Variants in ERICH6B observed in about 807,000 individuals in gnomAD.
ERICH6B encodes glutamate rich 6B.
In ERICH6B, 69 loss-of-function variants were observed where a neutral mutation model predicts 80.0. The ratio of observed to expected loss-of-function variants is 0.86; its 90% CI spans 0.71 to 1.05. ERICH6B has a LOEUF of 1.05. Ranked by LOEUF, ERICH6B falls within the 50% of genes least tolerant of loss-of-function variation. The pLI is 0.00. For synonymous variants in ERICH6B, 283 were observed against 291.9 expected, an observed-to-expected ratio of 0.97 and a Z score of 0.31; for missense variants, 754 against 796.1, an observed-to-expected ratio of 0.95 and a Z score of 0.64.
At chr13:45,546,605 C>G (rs533358009) in intron 13 of ERICH6B, among the ~76,000 whole-genome samples, 15 of 152,298 alleles carry the variant, frequency 9.8e-5, no homozygotes, top group African/African-American at 3.6e-4. Context: ...GGCCCCAGGT[C>G]TGGGAGGTTT....
chr13:45,549,781 C>T (rs1301138515), intron 13 of ERICH6B, 112 bp downstream of exon 13: 3 of 1,233,182 alleles, frequency 2.4e-6, no homozygotes, highest in South Asian at 3.2e-5. Context: ...TCTCCCATTT[C>T]CAACATGTGT....
At chr13:45,586,102 A>G (rs940081064) in intron 5 of ERICH6B, among the ~76,000 whole-genome samples, 1 of 152,042 alleles carries the variant, frequency 6.6e-6, no homozygotes, top group African/African-American at 2.4e-5. Flanking sequence ...AGATGGCTCC[A>G]GTTCTTGGGG....
In ERICH6B at chr13:45,592,230, C is replaced by T. The variant is rs370220733; in HGVS notation, c.638-1533G>A. ...CCATCAGACTATGTTCCCTAACTTTCGCTGGGACAAGACACGTGCAGAAAA... is the reference window on the plus strand; with the variant it reads ...CCATCAGACTATGTTCCCTAACTTTTGCTGGGACAAGACACGTGCAGAAAA... On this transcript the variant is annotated intron_variant, in intron 3 of 14. Coordinates refer to ENST00000298738, the MANE Select transcript of ERICH6B (RefSeq NM_182542.3). 6.6e-5 allele frequency among the ~76,000 whole-genome samples: 10 copies of T among 152,314 alleles called. No individual in the cohort carries two copies. In the South Asian group the frequency reaches 8.3e-4, roughly 13 times the overall value.
chr13:45,547,946 C>G (rs888081750), intron 13 of ERICH6B, among the ~76,000 whole-genome samples: 4 of 152,180 alleles, frequency 2.6e-5, no homozygotes, highest in Non-Finnish European at 4.4e-5. Flanking sequence ...AAGATGGGAT[C>G]TGGAACATCT....
intron 5 of ERICH6B, among the ~76,000 whole-genome samples, chr13:45,586,488 G>A (rs1222354841): frequency 6.6e-6 from 1 of 152,150 alleles, no homozygotes; most frequent in East Asian, 1.9e-4. Flanking sequence ...ATTGGGTAGA[G>A]AATGAAGACC....
chr13:45,582,914 G>T (rs1037520753), intron 5 of ERICH6B, among the ~76,000 whole-genome samples: 3 of 152,168 alleles, frequency 2.0e-5, no homozygotes, highest in Non-Finnish European at 4.4e-5. Flanking sequence ...TTGATCTTAG[G>T]CTGGTTTCTT....
At chr13:45,602,098 C>T (rs1949830869) in intron 2 of ERICH6B, among the ~76,000 whole-genome samples, 1 of 152,190 alleles carries the variant, frequency 6.6e-6, no homozygotes, top group Non-Finnish European at 1.5e-5. Context: ...TACCCTGCTC[C>T]AAGGACTGTC....
rs539384793 is a variant in ERICH6B at position 45,542,020 on chromosome 13, C to T, written c.1873-340G>A. ...TGCCGGGCTTCTCCCCATGGGGTCC[C>T]GACCATGGGGCCCTGCAAGAGCTGG... On this transcript the variant is annotated intron_variant, in intron 14 of 14. Coordinates refer to ENST00000298738, the MANE Select transcript of ERICH6B (RefSeq NM_182542.3). Among the ~76,000 whole-genome samples the T allele has an allele frequency of 1.1e-4, 17 of 152,294 alleles. 1 individual carries two copies. The highest frequency in any genetic ancestry group is 1.5e-4 in the Non-Finnish European group (10 of 68,016).
chr13:45,570,774 T>C (rs1015856641), intron 8 of ERICH6B, among the ~76,000 whole-genome samples: 2 of 151,986 alleles, frequency 1.3e-5, no homozygotes, highest in Non-Finnish European at 1.5e-5. Flanking sequence ...AGCTGCAGGT[T>C]CCATATGGCA....
intron 8 of ERICH6B, among the ~76,000 whole-genome samples, chr13:45,568,709 C>T (rs1365489836): frequency 6.6e-6 from 1 of 152,148 alleles, no homozygotes; most frequent in Admixed American, 6.5e-5. Flanking sequence ...CAAACTTGCA[C>T]ATCCTGTACC....
intron 8 of ERICH6B, among the ~76,000 whole-genome samples, chr13:45,573,103 A>G (rs1413870286): frequency 6.6e-6 from 1 of 152,056 alleles, no homozygotes; most frequent in Admixed American, 6.5e-5. Context: ...TATTCTTTAC[A>G]TACACTTGCA....
At chr13:45,606,532 TATATATATATATATA>T (rs1283403330) in intron 2 of ERICH6B, among the ~76,000 whole-genome samples, 12 of 25,002 alleles carry the variant, frequency 4.8e-4, no homozygotes, top group Non-Finnish European at 7.7e-4. Flanking sequence ...TATATATATA[TATATATATATATATA>T]TTTTTTTTTT....
chr13:45,546,993 T>C (rs916427410), intron 13 of ERICH6B, among the ~76,000 whole-genome samples: 2 of 152,198 alleles, frequency 1.3e-5, no homozygotes. Flanking sequence ...AGAGGCTATA[T>C]ACATACTGAA....
At chr13:45,541,745 G>T in intron 14 of ERICH6B, 65 bp from the exon 15 acceptor site, 2 of 1,450,756 alleles carry the variant, frequency 1.4e-6, no homozygotes, top group Non-Finnish European at 1.9e-6. Flanking sequence ...CCCAGACCCA[G>T]GCCAGATCTC....
intron 11 of ERICH6B, chr13:45,551,341 CTA>C (rs1474736739): frequency 6.6e-6 from 1 of 152,034 alleles, no homozygotes; most frequent in Non-Finnish European, 1.5e-5. Context: ...TGTGGGTTTT[CTA>C]TGTTATTCTA....
chr13:45,590,685 C>A lies in ERICH6B; in HGVS notation c.650G>T (p.Ser217Ile), dbSNP rs1160480557. ...YKKYLKEPKA[S>I]YSSQTMLLRD... ...AAGAAGCATGGTTTGTGATGAATAA[C>A]TTGCCTTGGGTTCTATTGGAAAAAA... Residue 217 changes from serine (S) to isoleucine (I), a missense_variant, in exon 4 of 15, where the codon AGT becomes ATT. Ser to Ile is a moderately radical substitution (Grantham distance 142, BLOSUM62 -2). Coordinates refer to ENST00000298738, the MANE Select transcript of ERICH6B (RefSeq NM_182542.3). The A allele has an allele frequency of 6.4e-7, 1 of 1,551,486 alleles. No homozygotes were observed. Among genetic ancestry groups the A allele is most frequent in the African/African-American group, 1.4e-5 (1 of 73,126 alleles).
rs150337803 is a variant in ERICH6B at position 45,581,584 on chromosome 13, C to T, written c.857-919G>A. 4.7e-3 allele frequency among the ~76,000 whole-genome samples: 720 copies of T among 152,294 alleles called. 4 individuals are homozygous for T. Among genetic ancestry groups the T allele is most frequent in the African/African-American group, 0.016 (663 of 41,564 alleles). ...TAGAGGCAGAGTTTTGCCGTGTTGG[C>T]CAGTCTGGTCTCGAACTCCTGACCT... On this transcript the variant is annotated intron_variant, in intron 5 of 14. Coordinates refer to ENST00000298738, the MANE Select transcript of ERICH6B (RefSeq NM_182542.3).
At chr13:45,585,886 C>T (rs1453623990) in intron 5 of ERICH6B, among the ~76,000 whole-genome samples, 1 of 152,240 alleles carries the variant, frequency 6.6e-6, no homozygotes, top group Non-Finnish European at 1.5e-5. Flanking sequence ...CCTCTCGGGG[C>T]TGGGTCCACA....
intron 14 of ERICH6B, among the ~76,000 whole-genome samples, chr13:45,542,978 T>G (rs901591227): frequency 6.6e-6 from 1 of 152,230 alleles, no homozygotes; most frequent in African/African-American, 2.4e-5. Context: ...TGCACACAGC[T>G]GCATCTATTC....
Sources: allele counts gnomAD v4.1 joint callset (sites outside exome capture counted in the v4.1 genomes callset), GRCh38; gene constraint gnomAD v4.1.1; transcripts MANE v1.5; gene names NCBI Gene and HGNC (gene_info 2026-07-23, HGNC 2026-07-21).